Variants in GDI2 observed in about 807,000 individuals in gnomAD.
The protein encoded by GDI2 is GDP dissociation inhibitor 2, also known as rab GDP dissociation inhibitor beta.
GDI2 carries 22 observed loss-of-function variants against 54.2 expected under a neutral mutation model. That is an observed-to-expected ratio of 0.41 (90% CI 0.29 to 0.58). The LOEUF (loss-of-function observed/expected upper bound fraction) is 0.58, where lower values mean the gene tolerates loss of function less well. GDI2 is among the 20% of genes least tolerant of loss of function. The pLI, the probability that GDI2 is intolerant of heterozygous loss-of-function variation, is 0.35. For missense variants in GDI2, 422 were observed against 546.0 expected (o/e 0.77, Z 2.26); for synonymous variants, 177 against 182.1 (o/e 0.97, Z 0.23).
At chr10:5,805,793 G>T (rs1841366530) in intron 1 of GDI2, among the ~76,000 whole-genome samples, 1 of 152,220 alleles carries the variant, frequency 6.6e-6, no homozygotes, top group Non-Finnish European at 1.5e-5. Flanking sequence ...CTGTTAAACT[G>T]TAGATTCTGA....
At chr10:5,777,344 G>A (rs1235486430) in intron 6 of GDI2, among the ~76,000 whole-genome samples, 2 of 152,120 alleles carry the variant, frequency 1.3e-5, no homozygotes, top group African/African-American at 2.4e-5. Flanking sequence ...ATGATGGCAG[G>A]TGCCTGAAAT....
rs1298359797 is a variant in GDI2, at chr10:5,812,930, C to A, written c.45+284G>T. On this transcript the variant is annotated intron_variant, in intron 1 of 10. Transcript: ENST00000380191. ...CCTTCTCCCCTCCCCTCCGCTTCCG[C>A]TGGGGGCAAGCGCAGAGGCCGGGCT... is the stretch of plus-strand genomic sequence containing the variant. Among the ~76,000 whole-genome samples, 6 of 152,362 alleles carry A rather than the reference C, an allele frequency of 3.9e-5. 1 individual carries two copies. Among genetic ancestry groups the A allele is most frequent in the Admixed American group, 3.9e-4 (6 of 15,310 alleles).
chr10:5,812,516 T>A (rs970454721), intron 1 of GDI2, among the ~76,000 whole-genome samples: 1 of 151,960 alleles, frequency 6.6e-6, no homozygotes, highest in Non-Finnish European at 1.5e-5. Context: ...GCGGCGAAGG[T>A]CAGGTGCGAA....
chr10:5,776,959 C>T lies in GDI2; in HGVS notation c.720-3018G>A. The T allele has an allele frequency of 3.7e-6, 2 of 536,154 alleles. No individual in the cohort carries two copies. Among genetic ancestry groups the T allele is most frequent in the Non-Finnish European group, 6.5e-6 (2 of 306,802 alleles). 33.2% of individuals were successfully genotyped at this position (536,154 alleles called of 1,614,324 possible). A position where few individuals can be genotyped will look rare whatever the true frequency, so the allele number is the denominator to read the frequency against. On this transcript the variant is annotated intron_variant, in intron 6 of 10. Coordinates refer to ENST00000380191, the MANE Select transcript of GDI2 (RefSeq NM_001494.4). This position sits in a 1 kb window ranked among gnomAD's most constrained non-coding sequence, Gnocchi z 5.3. Reference sequence around the variant, plus strand: ...GGGAAAACCACATAGAAGGGTAATCCCGGAAATGCTTCATCTGGCAGACTG... The same window carrying T: ...GGGAAAACCACATAGAAGGGTAATCTCGGAAATGCTTCATCTGGCAGACTG...
intron 7 of GDI2, among the ~76,000 whole-genome samples, chr10:5,770,093 T>C (rs1019837530): frequency 1.3e-5 from 2 of 152,222 alleles, no homozygotes; most frequent in Admixed American, 1.3e-4. Flanking sequence ...AGATGAACCA[T>C]GGACATCATG....
chr10:5,766,423 T>G lies in GDI2; in HGVS notation c.1136+71A>C. 6 of 1,568,714 alleles carry G rather than the reference T, an allele frequency of 3.8e-6. No individual in the cohort carries two copies. The highest frequency in any genetic ancestry group is 5.3e-6 in the Non-Finnish European group (6 of 1,139,574). On this transcript the variant is annotated intron_variant, in intron 9 of 10. Coordinates refer to ENST00000380191, the MANE Select transcript of GDI2 (RefSeq NM_001494.4). The surrounding 1 kb of genome is among the most constrained non-coding windows in gnomAD (Gnocchi z 5.8). ...GCAGCTACCTGCCTTGCCCTCACAT[T>G]CGTCCCACCATGGAGCCACAATCAA...
intron 2 of GDI2, 39 bp downstream of exon 2, chr10:5,800,559 C>T (rs1564398119): frequency 1.1e-6 from 1 of 929,766 alleles, no homozygotes; most frequent in Admixed American, 1.7e-5. Flanking sequence ...GAAATACTCA[C>T]AAAGTGTGAG....
At chr10:5,794,206 T>G (rs1362100191) in intron 4 of GDI2, among the ~76,000 whole-genome samples, 1 of 83,018 alleles carries the variant, frequency 1.2e-5, no homozygotes, top group African/African-American at 3.8e-5. Context: ...TATATATATA[T>G]ATATATATAT....
Position 5,813,382 on chromosome 10 carries a change from G to C in GDI2, c.-124C>G. The C allele has an allele frequency of 1.5e-6, 1 of 664,318 alleles. No homozygotes were observed. Among genetic ancestry groups the C allele is most frequent in the South Asian group, 1.9e-5 (1 of 54,052 alleles). 41.2% of individuals were successfully genotyped at this position (664,318 alleles called of 1,614,324 possible). On this transcript the variant is annotated 5_prime_UTR_variant, in exon 1 of 11. Coordinates refer to ENST00000380191, the MANE Select transcript of GDI2 (RefSeq NM_001494.4). Reference sequence around the variant, plus strand: ...AGGGGAAGAGAAAGAGAGGAAAATGGAGCTGGCGACAAGGCGAGACCGACC... The same window carrying C: ...AGGGGAAGAGAAAGAGAGGAAAATGCAGCTGGCGACAAGGCGAGACCGACC...
At chr10:5,802,444 C>A (rs1468292931) in intron 1 of GDI2, among the ~76,000 whole-genome samples, 1 of 151,806 alleles carries the variant, frequency 6.6e-6, no homozygotes, top group Non-Finnish European at 1.5e-5. Flanking sequence ...ACTAAAAATA[C>A]AAAACTTAGC....
At chr10:5,788,221 G>A (rs902545674) in intron 4 of GDI2, among the ~76,000 whole-genome samples, 2 of 150,896 alleles carry the variant, frequency 1.3e-5, no homozygotes, top group East Asian at 3.9e-4. Context: ...ACAAGGTCTC[G>A]CCATGTTGCC....
chr10:5,777,669 A>G (rs1840657934), intron 6 of GDI2, among the ~76,000 whole-genome samples: 3 of 152,194 alleles, frequency 2.0e-5, no homozygotes, highest in African/African-American at 7.2e-5. Flanking sequence ...AAATAGGAAT[A>G]CTTTTACGCT....
chr10:5,803,549 CCT>C (rs1031122118), intron 1 of GDI2, among the ~76,000 whole-genome samples: 8 of 152,140 alleles, frequency 5.3e-5, no homozygotes, highest in Non-Finnish European at 1.2e-4. Flanking sequence ...ATAGCTACAA[CCT>C]TTATAAACAA....
At chr10:5,798,177 G>A (rs1340922043) in intron 2 of GDI2, among the ~76,000 whole-genome samples, 2 of 152,144 alleles carry the variant, frequency 1.3e-5, no homozygotes, top group Non-Finnish European at 2.9e-5. Context: ...TAATTCACAT[G>A]AATTGAAATG....
intron 5 of GDI2, among the ~76,000 whole-genome samples, 193 bp downstream of exon 5, chr10:5,785,659 A>G (rs568290298): frequency 6.6e-6 from 1 of 152,346 alleles, no homozygotes; most frequent in Non-Finnish European, 1.5e-5. Flanking sequence ...CACAGGCGTG[A>G]GCCACCACAC....
intron 1 of GDI2, among the ~76,000 whole-genome samples, chr10:5,812,514 G>T (rs1023425988): frequency 6.6e-6 from 1 of 152,180 alleles, no homozygotes; most frequent in Admixed American, 6.5e-5. Context: ...AGGCGGCGAA[G>T]GTCAGGTGCG....
At chr10:5,767,075 C>T (rs186637615) in intron 8 of GDI2, among the ~76,000 whole-genome samples, 33 of 152,284 alleles carry the variant, frequency 2.2e-4, no homozygotes, top group African/African-American at 7.2e-4. Flanking sequence ...ACATAAACCA[C>T]TTTTGAGTTG....
chr10:5,772,849 A>G (rs866624905), intron 7 of GDI2, among the ~76,000 whole-genome samples: 1 of 152,324 alleles, frequency 6.6e-6, no homozygotes, highest in African/African-American at 2.4e-5. Context: ...CCTCAGGTGT[A>G]TAACGACTGA....
intron 4 of GDI2, among the ~76,000 whole-genome samples, chr10:5,787,005 AGAT>A (rs1165718885): frequency 6.6e-6 from 1 of 152,210 alleles, no homozygotes; most frequent in Non-Finnish European, 1.5e-5. Flanking sequence ...AACTAATCAT[AGAT>A]GATAGACAAA....
Sources: gnomAD v4.1 joint callset for allele counts (sites outside exome capture counted in the v4.1 genomes callset) on GRCh38, gnomAD v4.1.1 for gene constraint, Gnocchi (gnomAD v3.1) non-coding constraint, MANE v1.5 for transcripts, NCBI Gene and HGNC (gene_info 2026-07-23, HGNC 2026-07-21) for gene names.